The following EPHB1 variants were observed in gnomAD, a reference collection of about 807,000 sequenced individuals.
EPHB1 encodes EPH receptor B1.
EPHB1 carries 30 observed loss-of-function variants against 94.4 expected under a neutral mutation model. That is an observed-to-expected ratio of 0.32 (90% CI 0.24 to 0.43). The LOEUF (loss-of-function observed/expected upper bound fraction) is 0.43. Ranked by LOEUF, EPHB1 falls within the 20% of genes least tolerant of loss-of-function variation. The pLI, the probability that EPHB1 is intolerant of heterozygous loss-of-function variation, is 1.00. For missense variants in EPHB1, 1,055 were observed against 1,308.3 expected (o/e 0.81, Z 2.99); for synonymous variants, 522 against 489.1 (o/e 1.07, Z -0.89).
At chr3:134,905,667 GCCT>G (rs2038308893) in intron 1 of EPHB1, among the ~76,000 whole-genome samples, 2 of 152,176 alleles carry the variant, frequency 1.3e-5, no homozygotes, top group Non-Finnish European at 2.9e-5. Flanking sequence ...CACACTTCTG[GCCT>G]CCTCTTTTCC....
chr3:135,097,200 T>C (rs1157363428), intron 3 of EPHB1, among the ~76,000 whole-genome samples: 13 of 149,410 alleles, frequency 8.7e-5, no homozygotes, highest in Admixed American at 1.3e-4. Flanking sequence ...GGGGCAACTT[T>C]TAGTCCATAG....
intron 3 of EPHB1, among the ~76,000 whole-genome samples, chr3:135,059,380 C>T (rs1260082886): frequency 6.6e-6 from 1 of 152,114 alleles, no homozygotes; most frequent in African/African-American, 2.4e-5. Flanking sequence ...AGGGTTGGTC[C>T]CTGGCGGCTC....
chr3:134,796,070 C>G, intron 1 of EPHB1: 1 of 295,136 alleles, frequency 3.4e-6, no homozygotes, highest in South Asian at 3.9e-5. Context: ...TCTGGCCATC[C>G]GGCTCCTGGA....
chr3:134,873,540 C>G (rs916638779), intron 1 of EPHB1, among the ~76,000 whole-genome samples: 1 of 152,188 alleles, frequency 6.6e-6, no homozygotes, highest in Non-Finnish European at 1.5e-5. Flanking sequence ...GCTGCGGGGA[C>G]TTGTTACACG....
rs367590780 is a variant in EPHB1, at chr3:135,092,127, TG to T, written c.806-14319del. 1.9e-3 allele frequency among the ~76,000 whole-genome samples: 288 copies of T among 152,334 alleles called. 4 individuals carry two copies. The highest frequency in any genetic ancestry group is 6.7e-3 in the African/African-American group (279 of 41,580). Reference sequence around the variant, plus strand: ...GCATATGTCCTGCTCATCCCCTGCCTGGAGCTACCAGATTGATGGTGTTTTT... The same window carrying T: ...GCATATGTCCTGCTCATCCCCTGCCTGAGCTACCAGATTGATGGTGTTTTT... On this transcript the variant is annotated intron_variant, in intron 3 of 15. Coordinates refer to ENST00000398015, the MANE Select transcript of EPHB1 (RefSeq NM_004441.5).
intron 4 of EPHB1, among the ~76,000 whole-genome samples, chr3:135,118,804 G>C (rs577229889): frequency 1.3e-5 from 2 of 152,282 alleles, no homozygotes; most frequent in South Asian, 4.1e-4. Context: ...CGAGTATACA[G>C]TTCCCCATGG....
intron 4 of EPHB1, among the ~76,000 whole-genome samples, chr3:135,107,095 G>A (rs1328756680): frequency 6.6e-6 from 1 of 152,136 alleles, no homozygotes; most frequent in Admixed American, 6.5e-5. Context: ...TGTGTGCCAG[G>A]ACCATATATT....
chr3:135,111,098 G>A (rs1939425386), intron 4 of EPHB1, among the ~76,000 whole-genome samples: 1 of 152,096 alleles, frequency 6.6e-6, no homozygotes, highest in Admixed American at 6.5e-5. Flanking sequence ...GAGCATTGTG[G>A]GTCTGTAAGG....
At chr3:134,892,516 A>G (rs1182953125) in intron 1 of EPHB1, among the ~76,000 whole-genome samples, 1 of 152,250 alleles carries the variant, frequency 6.6e-6, no homozygotes, top group Non-Finnish European at 1.5e-5. Context: ...ACATTTGCAC[A>G]GGAGAAAGTA....
Position 134,951,793 on chromosome 3 carries a change from C to T in EPHB1, c.546C>T (p.Ala182=). The change falls in exon 3 of 16, where the codon GCC becomes GCT. Residue 182 remains alanine (A), a synonymous_variant. Transcript: ENST00000398015. The surrounding 1 kb of genome is among the most constrained non-coding windows in gnomAD (Gnocchi z 4.5). ...GFYLAFQDYG[A]CMSLLSVRVF... ...ACCTCGCTTTTCAGGATTATGGAGC[C>T]TGTATGTCTCTTCTTTCTGTCCGTG... The T allele has an allele frequency of 6.2e-7, 1 of 1,614,014 alleles. No individual in the cohort carries two copies. The highest frequency in any genetic ancestry group is 2.2e-5 in the East Asian group (1 of 44,882).
At chr3:135,090,583 C>A (rs1163629253) in intron 3 of EPHB1, among the ~76,000 whole-genome samples, 4 of 152,182 alleles carry the variant, frequency 2.6e-5, no homozygotes, top group African/African-American at 9.7e-5. Context: ...TGAACAAACC[C>A]CCCTGGCAAC....
intron 1 of EPHB1, among the ~76,000 whole-genome samples, chr3:134,923,870 C>T (rs968963234): frequency 6.6e-6 from 1 of 152,078 alleles, no homozygotes; most frequent in Non-Finnish European, 1.5e-5. Context: ...GAAGGGGAGG[C>T]AGTGGGAAGG....
rs1364618266 is a variant in EPHB1, at chr3:135,249,354, C to T, written c.2709C>T (p.Leu903=). The change falls in exon 15 of 16, where the codon CTC becomes CTT. Residue 903 remains leucine (L), a synonymous_variant. Coordinates refer to ENST00000398015, the MANE Select transcript of EPHB1 (RefSeq NM_004441.5). Reference sequence around the variant, plus strand: ...TCACCAGGCCTTCCCAGCCCCTGCTCGACCGCTCCATCCCAGACTTCACGG... The same window carrying T: ...TCACCAGGCCTTCCCAGCCCCTGCTTGACCGCTCCATCCCAGACTTCACGG... ...TITAVPSQPL[L]DRSIPDFTAF... is the part of the protein sequence containing the mutation. 2.0e-5 allele frequency: 32 copies of T among 1,612,900 alleles called. No individual in the cohort carries two copies. Among genetic ancestry groups the T allele is most frequent in the Non-Finnish European group, 2.4e-5 (28 of 1,179,466 alleles).
At chr3:134,990,676 A>G (rs564733597) in intron 3 of EPHB1, among the ~76,000 whole-genome samples, 4 of 152,332 alleles carry the variant, frequency 2.6e-5, no homozygotes, top group Admixed American at 1.3e-4. Flanking sequence ...AAATGGTATA[A>G]TCTGTGCTCA....
chr3:135,065,345 T>C (rs565672316), intron 3 of EPHB1, among the ~76,000 whole-genome samples: 3 of 152,318 alleles, frequency 2.0e-5, no homozygotes, highest in African/African-American at 7.2e-5. Context: ...TGTCTCATAT[T>C]TTAGGTCTAT....
intron 1 of EPHB1, among the ~76,000 whole-genome samples, chr3:134,911,548 T>C (rs1006683507): frequency 1.3e-5 from 2 of 152,136 alleles, no homozygotes; most frequent in African/African-American, 4.8e-5. Flanking sequence ...TAGGCCAGCC[T>C]GGCTCTCTGA....
intron 2 of EPHB1, among the ~76,000 whole-genome samples, chr3:134,928,285 C>T (rs2038834239): frequency 6.6e-6 from 1 of 152,206 alleles, no homozygotes; most frequent in African/African-American, 2.4e-5. Context: ...GCATCCCAGC[C>T]ATGTTGGATA....
intron 3 of EPHB1, among the ~76,000 whole-genome samples, chr3:135,088,439 A>T (rs562897643): frequency 1.3e-5 from 2 of 152,386 alleles, no homozygotes; most frequent in Non-Finnish European, 2.9e-5. Flanking sequence ...TGTAAGGAAC[A>T]TAAAAATGAA....
intron 1 of EPHB1, among the ~76,000 whole-genome samples, chr3:134,909,688 T>G (rs1264492267): frequency 2.0e-5 from 3 of 152,208 alleles, no homozygotes; most frequent in Non-Finnish European, 2.9e-5. Flanking sequence ...TTTCCTGAAG[T>G]CTGCTCTTTT....
Sources: gnomAD v4.1 joint callset for allele counts (sites outside exome capture counted in the v4.1 genomes callset) on GRCh38, gnomAD v4.1.1 for gene constraint, Gnocchi (gnomAD v3.1) non-coding constraint, MANE v1.5 for transcripts, NCBI Gene and HGNC (gene_info 2026-07-23, HGNC 2026-07-21) for gene names.